Variants in NCKAP5 observed in about 807,000 individuals in gnomAD.
NCKAP5 encodes NCK associated protein 5, also known as nck-associated protein 5.
A neutral mutation model predicts 167.0 loss-of-function variants in NCKAP5; 92 were observed. That is an observed-to-expected ratio of 0.55 (90% CI 0.47 to 0.66). The LOEUF (loss-of-function observed/expected upper bound fraction) is 0.66, where lower values mean the gene tolerates loss of function less well. Ranked by LOEUF, NCKAP5 falls within the 30% of genes least tolerant of loss-of-function variation. NCKAP5 has a pLI of 0.00. For synonymous variants in NCKAP5, 891 were observed against 877.4 expected, an observed-to-expected ratio of 1.02 and a Z score of -0.27; for missense variants, 2,378 against 2,315.0, an observed-to-expected ratio of 1.03 and a Z score of -0.56.
intron 1 of NCKAP5, among the ~76,000 whole-genome samples, chr2:133,565,204 G>C (rs1483741002): frequency 3.3e-5 from 5 of 152,172 alleles, no homozygotes; most frequent in African/African-American, 1.2e-4. Flanking sequence ...CTGGTAGCTA[G>C]GCCAGTAATT....
chr2:133,515,677 G>A (rs566198108), intron 3 of NCKAP5, among the ~76,000 whole-genome samples: 1 of 152,322 alleles, frequency 6.6e-6, no homozygotes, highest in Non-Finnish European at 1.5e-5. Context: ...AATGTGACAG[G>A]ATTTTACTTA....
chr2:132,703,140 T>C (rs1207307252), intron 19 of NCKAP5, among the ~76,000 whole-genome samples: 5 of 152,126 alleles, frequency 3.3e-5, no homozygotes, highest in Non-Finnish European at 4.4e-5. Context: ...ATGATCATAC[T>C]AGTACACTCT....
intron 19 of NCKAP5, among the ~76,000 whole-genome samples, chr2:132,697,477 A>G (rs2709547): frequency 0.4 from 61,236 of 152,168 alleles, 14,099 homozygotes; most frequent in East Asian, 0.55. Context: ...TGAAAATCTG[A>G]AGGTTTCTCA....
intron 6 of NCKAP5, among the ~76,000 whole-genome samples, chr2:133,047,823 C>T (rs2079453236): frequency 6.6e-6 from 1 of 152,184 alleles, no homozygotes; most frequent in East Asian, 1.9e-4. Context: ...CCAGTAATCA[C>T]ACACATTTGG....
chr2:133,128,945 ATTT>A (rs10584100), intron 6 of NCKAP5, among the ~76,000 whole-genome samples: 16,770 of 130,016 alleles, frequency 0.13, 1,180 homozygotes, highest in East Asian at 0.38. Context: ...AAACTCACTG[ATTT>A]TTTTTTTTTT....
rs116100186 is a variant in NCKAP5, at chr2:132,678,818, T to C, written c.5714-5513A>G. Among the ~76,000 whole-genome samples the C allele has an allele frequency of 1.4e-3, 209 of 152,334 alleles. 1 individual carries two copies. The highest frequency in any genetic ancestry group is 4.1e-3 in the African/African-American group (169 of 41,584). Reference sequence around the variant, plus strand: ...AGGACTTGGGATCTTAATCACTGTGTATTACCCCAGGTTTTTAAAAACCAG... The same window carrying C: ...AGGACTTGGGATCTTAATCACTGTGCATTACCCCAGGTTTTTAAAAACCAG... On this transcript the variant is annotated intron_variant, in intron 19 of 19. Transcript: ENST00000409261.
rs1423177695 is a variant in NCKAP5, at chr2:132,731,747, T to C, written c.5433A>G (p.Pro1811=). 1.3e-6 allele frequency: 2 copies of C among 1,577,580 alleles called. No homozygotes were observed. Among genetic ancestry groups the C allele is most frequent in the Admixed American group, 3.6e-5 (2 of 55,668 alleles). The change falls in exon 17 of 20, where the codon CCA becomes CCG. Residue 1811 remains proline, a synonymous_variant. Coordinates refer to ENST00000409261, the MANE Select transcript of NCKAP5 (RefSeq NM_207363.3). ...AAATTGGCATTTTACCTGAGGAAGC[T>C]GGTTTGGGGAGGCGGCTCTGAAGAG... ...MRPLQSRLPK[P]ASSGKVSSQK... is the part of the protein sequence containing the mutation.
At chr2:133,674,788 A>G in the NCKAP5 span, among the ~76,000 whole-genome samples, 1 of 151,980 alleles carries the variant, frequency 6.6e-6, no homozygotes, top group Non-Finnish European at 1.5e-5. Flanking sequence ...GGGTTTTCGG[A>G]TCTTCCTTCA....
At chr2:133,503,957 G>A (rs933104085) in intron 3 of NCKAP5, among the ~76,000 whole-genome samples, 4 of 152,044 alleles carry the variant, frequency 2.6e-5, no homozygotes, top group African/African-American at 9.7e-5. Flanking sequence ...CTCCTCCTCT[G>A]AATAGAAACT....
the NCKAP5 span, among the ~76,000 whole-genome samples, chr2:133,614,271 A>G: frequency 2.6e-5 from 4 of 152,014 alleles, no homozygotes; most frequent in African/African-American, 7.2e-5. Flanking sequence ...TTGGTGGGGC[A>G]CTGTGGGAGT....
At chr2:133,285,317 C>T (rs1315379308) in intron 4 of NCKAP5, among the ~76,000 whole-genome samples, 1 of 152,188 alleles carries the variant, frequency 6.6e-6, no homozygotes, top group African/African-American at 2.4e-5. Context: ...TGAATGTAAA[C>T]TTTACATAAT....
intron 8 of NCKAP5, among the ~76,000 whole-genome samples, chr2:132,891,976 T>G (rs1329391625): frequency 6.6e-6 from 1 of 152,214 alleles, no homozygotes; most frequent in Non-Finnish European, 1.5e-5. Context: ...CCTGGCCCTC[T>G]GTATGGTTTG....
At chr2:133,331,262 G>A (rs1006379324) in intron 3 of NCKAP5, among the ~76,000 whole-genome samples, 15 of 152,218 alleles carry the variant, frequency 9.9e-5, no homozygotes, top group African/African-American at 2.6e-4. Context: ...AGATAGATTC[G>A]TGGAGAGGGT....
At chr2:132,714,674 G>A (rs562036726) in intron 19 of NCKAP5, among the ~76,000 whole-genome samples, 11 of 151,864 alleles carry the variant, frequency 7.2e-5, no homozygotes, top group South Asian at 2.1e-4. Context: ...AAAATTAGCC[G>A]GGCATGGTGG....
At chr2:133,364,168 G>C (rs928036606) in intron 3 of NCKAP5, among the ~76,000 whole-genome samples, 2 of 152,078 alleles carry the variant, frequency 1.3e-5, no homozygotes, top group East Asian at 3.9e-4. Flanking sequence ...CCCAAAATCA[G>C]GCATCTGGTA....
At chr2:133,471,750 A>G (rs1679345586) in intron 3 of NCKAP5, among the ~76,000 whole-genome samples, 1 of 152,124 alleles carries the variant, frequency 6.6e-6, no homozygotes, top group African/African-American at 2.4e-5. Context: ...TTGATCAGCC[A>G]CTACTCCTCT....
chr2:132,678,845 G>T (rs762613070), intron 19 of NCKAP5, among the ~76,000 whole-genome samples: 1 of 152,080 alleles, frequency 6.6e-6, no homozygotes, highest in Non-Finnish European at 1.5e-5. Flanking sequence ...AAAAACCAGC[G>T]TGCAACTCCT....
At chr2:133,177,180 A>ATG in intron 5 of NCKAP5, among the ~76,000 whole-genome samples, 1 of 138,430 alleles carries the variant, frequency 7.2e-6, no homozygotes, top group Non-Finnish European at 1.5e-5. Context: ...ATATATATAT[A>ATG]TATATATACT....
At chr2:133,361,400 C>A (rs112097630) in intron 3 of NCKAP5, among the ~76,000 whole-genome samples, 146 of 152,188 alleles carry the variant, frequency 9.6e-4, no homozygotes, top group African/African-American at 3.3e-3. Flanking sequence ...TCCTCAAGAC[C>A]CAAAGTCCTA....
Sources: gnomAD v4.1 joint callset for allele counts (sites outside exome capture counted in the v4.1 genomes callset) on GRCh38, gnomAD v4.1.1 for gene constraint, MANE v1.5 for transcripts, NCBI Gene and HGNC (gene_info 2026-07-23, HGNC 2026-07-21) for gene names.